The following CNBD1 variants were observed in gnomAD, a reference collection of about 807,000 sequenced individuals.
CNBD1 encodes the protein cyclic nucleotide-binding domain-containing protein 1.
Under a neutral mutation model 54.4 loss-of-function variants are expected in CNBD1, and 71 were observed. That is an observed-to-expected ratio of 1.30 (90% CI 1.08 to 1.59). CNBD1 has a LOEUF of 1.59. CNBD1 is among the 40% of genes most tolerant of loss of function. The pLI is 0.00. For missense variants in CNBD1, 659 were observed against 518.0 expected, an observed-to-expected ratio of 1.27 and a Z score of -2.64; for synonymous variants, 182 against 170.7, an observed-to-expected ratio of 1.07 and a Z score of -0.51.
chr8:86,924,813 A>G (rs1314080378), intron 3 of CNBD1, among the ~76,000 whole-genome samples: 3 of 152,200 alleles, frequency 2.0e-5, no homozygotes, highest in Non-Finnish European at 4.4e-5. Context: ...GTAAATCTGT[A>G]TCGTAATAAT....
chr8:86,956,847 C>T (rs1400171602), intron 4 of CNBD1, among the ~76,000 whole-genome samples: 4 of 152,146 alleles, frequency 2.6e-5, no homozygotes, highest in African/African-American at 7.2e-5. Flanking sequence ...ATTGCCCTAG[C>T]CAGAACTTCC....
intron 5 of CNBD1, among the ~76,000 whole-genome samples, chr8:87,210,898 G>T (rs936176767): frequency 6.6e-6 from 1 of 152,138 alleles, no homozygotes; most frequent in Non-Finnish European, 1.5e-5. Flanking sequence ...TGTGGGAAGG[G>T]CACTACTGTT....
intron 6 of CNBD1, among the ~76,000 whole-genome samples, chr8:87,239,622 A>C (rs1400160520): frequency 6.6e-6 from 1 of 152,202 alleles, no homozygotes; most frequent in East Asian, 1.9e-4. Context: ...CAGTTTGGTA[A>C]ACTAATGGGC....
intron 5 of CNBD1, among the ~76,000 whole-genome samples, chr8:87,210,408 G>C (rs999948990): frequency 2.0e-5 from 3 of 152,164 alleles, no homozygotes; most frequent in Non-Finnish European, 4.4e-5. Flanking sequence ...AAAAGAGCTA[G>C]GTGCTGATAG....
chr8:87,262,064 G>A (rs1808151779), intron 6 of CNBD1, among the ~76,000 whole-genome samples: 1 of 152,094 alleles, frequency 6.6e-6, no homozygotes, highest in Non-Finnish European at 1.5e-5. Context: ...TGAGGAAGGA[G>A]GATCACTTGA....
At chr8:87,389,257 C>G (rs181282135) in intron 2 of CNBD1, among the ~76,000 whole-genome samples, 7 of 152,208 alleles carry the variant, frequency 4.6e-5, no homozygotes, top group Admixed American at 1.3e-4. Flanking sequence ...CCAGGGCAAT[C>G]AGGCAGGAGA....
intron 4 of CNBD1, among the ~76,000 whole-genome samples, chr8:87,161,475 C>A (rs1484828576): frequency 1.3e-5 from 2 of 151,800 alleles, no homozygotes; most frequent in East Asian, 3.9e-4. Context: ...TGAAGAATAT[C>A]AAAAAGGACT....
intron 4 of CNBD1, among the ~76,000 whole-genome samples, chr8:86,977,001 C>A (rs927267218): frequency 3.3e-5 from 5 of 151,906 alleles, no homozygotes; most frequent in Non-Finnish European, 5.9e-5. Flanking sequence ...TTTCCTATTT[C>A]AATGTCTTTT....
chr8:86,871,395 C>A (rs1040537347), intron 1 of CNBD1, among the ~76,000 whole-genome samples: 4 of 152,228 alleles, frequency 2.6e-5, no homozygotes, highest in African/African-American at 9.6e-5. Context: ...TTCCTTCCAA[C>A]ATATACTGTG....
intron 8 of CNBD1, among the ~76,000 whole-genome samples, chr8:87,293,354 G>C (rs1320341977): frequency 6.6e-6 from 1 of 152,014 alleles, no homozygotes; most frequent in Non-Finnish European, 1.5e-5. Flanking sequence ...GACCAGCCTG[G>C]ACAACATGAT....
chr8:87,304,502 G>A (rs1809098045), intron 8 of CNBD1, among the ~76,000 whole-genome samples: 1 of 151,916 alleles, frequency 6.6e-6, no homozygotes, highest in South Asian at 2.1e-4. Flanking sequence ...GGGGTGAGGG[G>A]GGAGAGATAG....
intron 4 of CNBD1, among the ~76,000 whole-genome samples, chr8:87,056,793 T>A (rs758968893): frequency 4.6e-5 from 7 of 152,132 alleles, no homozygotes; most frequent in Non-Finnish European, 1.0e-4. Context: ...CAAATTAAAA[T>A]ATATAAAATT....
chr8:87,225,642 C>T (rs1814466717), intron 5 of CNBD1, among the ~76,000 whole-genome samples: 2 of 152,210 alleles, frequency 1.3e-5, no homozygotes, highest in Non-Finnish European at 2.9e-5. Flanking sequence ...TTCGGTTTGC[C>T]AGTATGTTAT....
intron 6 of CNBD1, among the ~76,000 whole-genome samples, chr8:87,258,898 A>G (rs1371733755): frequency 1.3e-5 from 2 of 152,198 alleles, no homozygotes; most frequent in Non-Finnish European, 1.5e-5. Context: ...GAGTGTTTTC[A>G]CAAGGTTAAT....
intron 8 of CNBD1, among the ~76,000 whole-genome samples, chr8:87,347,016 G>A (rs1810189009): frequency 6.6e-6 from 1 of 152,084 alleles, no homozygotes; most frequent in African/African-American, 2.4e-5. Flanking sequence ...TCTGAGGTGG[G>A]CTTTTTCCAC....
At chr8:87,056,403 TAAATG>T (rs1258579594) in intron 4 of CNBD1, among the ~76,000 whole-genome samples, 2 of 152,258 alleles carry the variant, frequency 1.3e-5, no homozygotes, top group Non-Finnish European at 2.9e-5. Flanking sequence ...CAAGGAATAT[TAAATG>T]AAAATGTTAA....
chr8:87,151,949 A>G (rs1214934200), intron 4 of CNBD1, among the ~76,000 whole-genome samples: 7 of 152,116 alleles, frequency 4.6e-5, no homozygotes. Flanking sequence ...TAACTTAATC[A>G]TCATCATTAT....
At chr8:87,196,208 G>A (rs1432172138) in intron 4 of CNBD1, among the ~76,000 whole-genome samples, 1 of 152,080 alleles carries the variant, frequency 6.6e-6, no homozygotes, top group African/African-American at 2.4e-5. Flanking sequence ...CAGCTAGGAG[G>A]GGGAACTAAA....
intron 4 of CNBD1, among the ~76,000 whole-genome samples, chr8:87,091,172 CT>C (rs1213116299): frequency 2.0e-5 from 3 of 151,616 alleles, no homozygotes; most frequent in Non-Finnish European, 4.4e-5. Flanking sequence ...TTAATCTAGC[CT>C]CATAGAGTCT....
Sources: allele counts gnomAD v4.1 joint callset (sites outside exome capture counted in the v4.1 genomes callset), GRCh38; gene constraint gnomAD v4.1.1; transcripts MANE v1.5; gene names NCBI Gene and HGNC (gene_info 2026-07-23, HGNC 2026-07-21).